Variants in CCND3 observed in about 807,000 individuals in gnomAD.
CCND3 encodes the protein G1/S-specific cyclin-D3.
A neutral mutation model predicts 28.7 loss-of-function variants in CCND3; 9 were observed. That is an observed-to-expected ratio of 0.31 (90% CI 0.19 to 0.55). CCND3 has a LOEUF of 0.55. CCND3 is among the 20% of genes least tolerant of loss of function. CCND3 has a pLI of 0.93. For synonymous variants in CCND3, 164 were observed against 163.9 expected, an observed-to-expected ratio of 1.00 and a Z score of 0.00; for missense variants, 315 against 385.8, an observed-to-expected ratio of 0.82 and a Z score of 1.54.
chr6:42,008,449 C>T (rs899158093), intron 1 of CCND3, among the ~76,000 whole-genome samples: 20 of 152,186 alleles, frequency 1.3e-4, no homozygotes, highest in Non-Finnish European at 1.5e-5. Flanking sequence ...TATAAAGTGA[C>T]AGAACCCTCA....
At chr6:41,988,700 T>TTTTC (rs369272658) in intron 1 of CCND3, among the ~76,000 whole-genome samples, 1,373 of 6,030 alleles carry the variant, frequency 0.23, 29 homozygotes, top group Middle Eastern at 0.3. Context: ...ACTTCTTTTC[T>TTTTC]TTTTTTTTTT....
Position 42,044,783 on chromosome 6 carries a change from T to TTTATTTATTTATTTATTTA in CCND3, c.-46+3717_-46+3718insTAAATAAATAAATAAATAA, listed in dbSNP as rs144260165. On this transcript the variant is annotated intron_variant, in intron 1 of 4. Transcript: ENST00000372988. ...TCTTTTCTTTCTTTTCTTTCTTTCCTTTTATTTATTTATTTATTTATTTGA... is the reference window on the plus strand; with the variant it reads ...TCTTTTCTTTCTTTTCTTTCTTTCCTTTATTTATTTATTTATTTATTTATTTATTTATTTATTTATTTGA... 2.2e-3 allele frequency among the ~76,000 whole-genome samples: 313 copies of TTTATTTATTTATTTATTTA among 143,136 alleles called. 2 individuals are homozygous for TTTATTTATTTATTTATTTA. Among genetic ancestry groups the TTTATTTATTTATTTATTTA allele is most frequent in the African/African-American group, 7.6e-3 (295 of 38,684 alleles). 93.9% of individuals were successfully genotyped at this position (143,136 alleles called of 152,430 possible). A position where few individuals can be genotyped will look rare whatever the true frequency, so the allele number is the denominator to read the frequency against.
chr6:42,045,635 A>C (rs533841941), intron 1 of CCND3, among the ~76,000 whole-genome samples: 4 of 152,336 alleles, frequency 2.6e-5, no homozygotes, highest in African/African-American at 4.8e-5. Context: ...ATTCCAACAG[A>C]TGGGTAACTT....
At chr6:41,959,205 T>G (rs888895008) in intron 1 of CCND3, among the ~76,000 whole-genome samples, 2 of 152,098 alleles carry the variant, frequency 1.3e-5, no homozygotes, top group South Asian at 4.2e-4. Flanking sequence ...TCTCAGCTAT[T>G]CGGGAGGCTG....
At chr6:42,015,926 T>C (rs1436403523) in intron 1 of CCND3, among the ~76,000 whole-genome samples, 3 of 151,636 alleles carry the variant, frequency 2.0e-5, no homozygotes, top group African/African-American at 7.3e-5. Context: ...GTTTTTATTT[T>C]ATTTATTTTT....
chr6:41,964,915 C>T (rs1761842503), intron 1 of CCND3, among the ~76,000 whole-genome samples: 1 of 151,992 alleles, frequency 6.6e-6, no homozygotes, highest in African/African-American at 2.4e-5. Context: ...ACTCAGTGAC[C>T]CCTTTGTTGG....
chr6:42,012,962 C>T (rs1051719844), intron 1 of CCND3, among the ~76,000 whole-genome samples: 6 of 152,120 alleles, frequency 3.9e-5, no homozygotes, highest in African/African-American at 1.2e-4. Flanking sequence ...CATTCCTTGA[C>T]CTACTGAGCT....
At chr6:42,007,339 T>A (rs1217342980) in intron 1 of CCND3, among the ~76,000 whole-genome samples, 1 of 152,144 alleles carries the variant, frequency 6.6e-6, no homozygotes, top group Non-Finnish European at 1.5e-5. Context: ...GCTTGATAGA[T>A]GGGCGGGTGG....
At chr6:41,996,139 T>TATATAATATATATATATATATATA (rs1491589408) in intron 1 of CCND3, among the ~76,000 whole-genome samples, 1 of 17,858 alleles carries the variant, frequency 5.6e-5, no homozygotes, top group Non-Finnish European at 1.6e-4. Context: ...TATATATATA[T>TATATAATATATATATATATATATA]TTTTTTTGTT....
intron 1 of CCND3, among the ~76,000 whole-genome samples, chr6:42,020,309 C>T (rs1342362335): frequency 1.3e-5 from 2 of 152,186 alleles, no homozygotes; most frequent in African/African-American, 4.8e-5. Flanking sequence ...AAAAGAAAAA[C>T]CTTAAGAACA....
intron 1 of CCND3, among the ~76,000 whole-genome samples, chr6:41,947,221 A>G (rs1776193736): frequency 7.1e-6 from 1 of 140,822 alleles, no homozygotes; most frequent in Non-Finnish European, 1.5e-5. Flanking sequence ...ACTCCGTCTC[A>G]AAAAAAAAAA....
Position 41,936,440 on chromosome 6 carries a change from AG to A in CCND3, c.711+118del. 1 of 1,229,412 alleles carries A rather than the reference AG, an allele frequency of 8.1e-7. No individual in the cohort carries two copies. The highest frequency in any genetic ancestry group is 1.2e-6 in the Non-Finnish European group (1 of 868,042). The allele number at this position is 1,229,412 out of a possible 1,614,324, so 76.2% of individuals were successfully genotyped here. ...GGAGATAAAAAGCCACAAAGCCCCA[AG>A]GTTGTGAAACCAGGACTTGGGACCA... On this transcript the variant is annotated intron_variant, in intron 4 of 4. Coordinates refer to ENST00000372991, the MANE Select transcript of CCND3 (RefSeq NM_001760.5). The surrounding 1 kb of genome is among the most constrained non-coding windows in gnomAD (Gnocchi z 4.4).
At chr6:42,040,868 C>CAAAAAAA (rs142222742) in intron 1 of CCND3, among the ~76,000 whole-genome samples, 1 of 122,542 alleles carries the variant, frequency 8.2e-6, no homozygotes, top group Non-Finnish European at 1.8e-5. Context: ...AACAAACAAA[C>CAAAAAAA]AAAAAAAAAA....
At chr6:42,018,561 T>G (rs1442342470) in intron 1 of CCND3, 1 of 152,120 alleles carries the variant, frequency 6.6e-6, no homozygotes, top group African/African-American at 2.4e-5. Context: ...GAAAAATGCC[T>G]TTTCCTTTAG....
intron 1 of CCND3, among the ~76,000 whole-genome samples, chr6:41,991,905 G>A (rs60610471): frequency 0.11 from 16,687 of 152,066 alleles, 1,057 homozygotes; most frequent in East Asian, 0.3. Context: ...TTTCATCCAC[G>A]GTGACATAAA....
rs543059644 is a variant in CCND3 at position 41,935,857 on chromosome 6, G to A, written c.*83C>T. The stretch of plus-strand genomic sequence containing the variant: ...AACAGACGCCCCTTCAGGCTTAGAT[G>A]TGGTGTGGTTCCTGGAGGCAGGGAG... On this transcript the variant is annotated 3_prime_UTR_variant, in exon 5 of 5. Transcript: ENST00000372991. 235 of 1,287,728 alleles carry A rather than the reference G, an allele frequency of 1.8e-4. 1 individual carries two copies. The African/African-American group carries it at 3.2e-3, about 18-fold the overall frequency. The allele number at this position is 1,287,728 out of a possible 1,614,324, so 79.8% of individuals were successfully genotyped here.
chr6:41,941,020 G>T lies in CCND3; in HGVS notation c.198+432C>A, dbSNP rs1395464514. On this transcript the variant is annotated intron_variant, in intron 1 of 4. Transcript: ENST00000372991. The surrounding 1 kb of genome is among the most constrained non-coding windows in gnomAD (Gnocchi z 6.1). ...TTCATTTCCCTGTCGGCCGGAACAG[G>T]GCGCGCGCCACCCCCATCGCCTTCC... 2.5e-6 allele frequency: 4 copies of T among 1,610,144 alleles called. No homozygotes were observed. The African/African-American group carries it at 4.0e-5, about 16-fold the overall frequency.
rs143874898 is a variant in CCND3, at chr6:41,950,259, G to A, written c.-45-9674C>T. 6.6e-5 allele frequency among the ~76,000 whole-genome samples: 10 copies of A among 152,166 alleles called. No homozygotes were observed. In the East Asian group the frequency reaches 1.7e-3, roughly 26 times the overall value. On this transcript the variant is annotated intron_variant, in intron 1 of 4. Coordinates refer to the CCND3 transcript ENST00000372988. ...TGCACACAGGGCCTCAGGTGTGGAAGGGTAACCTGCTACAGCAATATACCT... is the reference window on the plus strand; with the variant it reads ...TGCACACAGGGCCTCAGGTGTGGAAAGGTAACCTGCTACAGCAATATACCT...
At chr6:42,008,311 G>C (rs1446818320) in intron 1 of CCND3, among the ~76,000 whole-genome samples, 1 of 152,188 alleles carries the variant, frequency 6.6e-6, no homozygotes, top group African/African-American at 2.4e-5. Flanking sequence ...CCAGGAGGCA[G>C]AGGTTGCAGT....
Sources: allele counts gnomAD v4.1 joint callset (sites outside exome capture counted in the v4.1 genomes callset), GRCh38; gene constraint gnomAD v4.1.1; non-coding constraint Gnocchi (gnomAD v3.1); transcripts MANE v1.5; gene names NCBI Gene and HGNC (gene_info 2026-07-23, HGNC 2026-07-21).